Variants in ADAM22 observed in about 807,000 individuals in gnomAD.
ADAM22 encodes ADAM metallopeptidase domain 22.
ADAM22 carries 65 observed loss-of-function variants against 144.6 expected under a neutral mutation model. The observed-to-expected ratio is 0.45, with a 90% CI of 0.37 to 0.55. The LOEUF is 0.55. Among genes scored for constraint, ADAM22 ranks in the 20% least tolerant of loss-of-function variants. ADAM22 has a pLI of 0.00. For missense variants in ADAM22, 974 were observed against 1,184.9 expected (o/e 0.82, Z 2.61); for synonymous variants, 391 against 412.6 (o/e 0.95, Z 0.63).
chr7:87,940,876 G>A (rs537301889), intron 2 of ADAM22, among the ~76,000 whole-genome samples: 1 of 152,240 alleles, frequency 6.6e-6, no homozygotes, highest in Admixed American at 6.5e-5. Flanking sequence ...CTTTTACCTG[G>A]ACTTCTGTGT....
intron 4 of ADAM22, among the ~76,000 whole-genome samples, chr7:88,085,716 G>C (rs1344803311): frequency 1.3e-5 from 2 of 152,148 alleles, no homozygotes; most frequent in Non-Finnish European, 2.9e-5. Context: ...AAGAAATAAA[G>C]CTCGGCCAGC....
intron 3 of ADAM22, among the ~76,000 whole-genome samples, chr7:88,071,300 T>A (rs974394820): frequency 1.3e-5 from 2 of 151,686 alleles, no homozygotes; most frequent in Non-Finnish European, 2.9e-5. Flanking sequence ...AGATATGAGA[T>A]GGTGAATAGG....
intron 22 of ADAM22, among the ~76,000 whole-genome samples, chr7:88,158,414 C>T (rs948962106): frequency 2.0e-5 from 3 of 152,108 alleles, no homozygotes; most frequent in African/African-American, 7.2e-5. Flanking sequence ...TGATAGACCT[C>T]TACAGAACTC....
At chr7:87,988,784 A>T (rs1391224843) in intron 3 of ADAM22, among the ~76,000 whole-genome samples, 1 of 152,164 alleles carries the variant, frequency 6.6e-6, no homozygotes, top group Admixed American at 6.5e-5. Flanking sequence ...AGAAGTAGCG[A>T]GTAGGCCTCT....
chr7:88,142,634 C>G (rs147686193), intron 14 of ADAM22, among the ~76,000 whole-genome samples: 2,400 of 152,014 alleles, frequency 0.016, 30 homozygotes, highest in Non-Finnish European at 0.027. Flanking sequence ...GTCAGGAGAT[C>G]GAGACCATCC....
intron 26 of ADAM22, among the ~76,000 whole-genome samples, chr7:88,171,794 C>A (rs1844387197): frequency 6.6e-6 from 1 of 151,630 alleles, no homozygotes; most frequent in Admixed American, 6.6e-5. Flanking sequence ...AACGATACTA[C>A]AATTAGTGGA....
intron 7 of ADAM22, among the ~76,000 whole-genome samples, chr7:88,123,707 C>CT (rs985382394): frequency 2.6e-4 from 39 of 149,478 alleles, no homozygotes; most frequent in African/African-American, 7.3e-4. Context: ...ATAATTTAAA[C>CT]TTTTTTTTTT....
chr7:88,037,797 G>A (rs1801880471), intron 3 of ADAM22, among the ~76,000 whole-genome samples: 1 of 151,764 alleles, frequency 6.6e-6, no homozygotes, highest in Non-Finnish European at 1.5e-5. Flanking sequence ...TTCTCTCCTG[G>A]GAGTTTTTCA....
intron 17 of ADAM22, among the ~76,000 whole-genome samples, chr7:88,147,504 A>C (rs1043830844): frequency 6.6e-6 from 1 of 152,226 alleles, no homozygotes; most frequent in African/African-American, 2.4e-5. Context: ...TACAGAAACA[A>C]ATGGGCATAG....
chr7:88,055,375 A>C (rs1807927245), intron 3 of ADAM22, among the ~76,000 whole-genome samples: 1 of 152,030 alleles, frequency 6.6e-6, no homozygotes, highest in Admixed American at 6.6e-5. Flanking sequence ...CAAAAAAAAA[A>C]ATCGCTTTTT....
Position 88,072,991 on chromosome 7 carries a change from C to A in ADAM22, c.324-2635C>A, listed in dbSNP as rs1585437995. On this transcript the variant is annotated intron_variant, in intron 3 of 31. Transcript: ENST00000413139. Reference sequence around the variant, plus strand: ...GGAAATTTGTGAAATATATAATATACTCATGATGAAGACAAAAAAAGAGAC... The same window carrying A: ...GGAAATTTGTGAAATATATAATATAATCATGATGAAGACAAAAAAAGAGAC... Among the ~76,000 whole-genome samples, 5 of 152,310 alleles carry A rather than the reference C, an allele frequency of 3.3e-5. 1 individual carries two copies. The highest frequency in any genetic ancestry group is 3.3e-4 in the Admixed American group (5 of 15,300).
intron 2 of ADAM22, among the ~76,000 whole-genome samples, chr7:87,969,132 C>T (rs1390200035): frequency 6.6e-6 from 1 of 152,192 alleles, no homozygotes; most frequent in African/African-American, 2.4e-5. Context: ...AAATCCTAAC[C>T]ATATCACCAA....
At chr7:88,085,381 T>A (rs1818165722) in intron 4 of ADAM22, among the ~76,000 whole-genome samples, 1 of 152,176 alleles carries the variant, frequency 6.6e-6, no homozygotes, top group African/African-American at 2.4e-5. Flanking sequence ...TACTCAGGTG[T>A]CTTTGAACTT....
chr7:87,953,517 C>T (rs867860830), intron 2 of ADAM22, among the ~76,000 whole-genome samples: 2,464 of 151,590 alleles, frequency 0.016, 12 homozygotes, highest in Non-Finnish European at 0.025. Context: ...CAGTTTGTTA[C>T]AATTTCTGTT....
chr7:88,149,175 T>G (rs778748404), intron 18 of ADAM22, 118 bp downstream of exon 18: 6 of 703,616 alleles, frequency 8.5e-6, no homozygotes, highest in Non-Finnish European at 1.4e-5. Context: ...TCACATCATT[T>G]CTCCATTTTT....
chr7:88,192,962 T>C (rs1563440683), intron 30 of ADAM22, among the ~76,000 whole-genome samples, 154 bp from the exon 31 acceptor site: 1 of 152,238 alleles, frequency 6.6e-6, no homozygotes. Context: ...ATTTCACTGT[T>C]GAGAATGACA....
chr7:88,184,756 G>A (rs894829655), intron 29 of ADAM22, among the ~76,000 whole-genome samples: 3 of 152,078 alleles, frequency 2.0e-5, no homozygotes, highest in African/African-American at 7.2e-5. Context: ...TCCCCAGAAA[G>A]AACAAAAAAT....
intron 3 of ADAM22, among the ~76,000 whole-genome samples, chr7:87,983,427 A>G (rs917989951): frequency 6.6e-6 from 1 of 152,056 alleles, no homozygotes; most frequent in African/African-American, 2.4e-5. Context: ...TTTTGTTGCT[A>G]CTGTGGGTGT....
intron 4 of ADAM22, among the ~76,000 whole-genome samples, chr7:88,099,285 G>T (rs1046813847): frequency 2.6e-5 from 4 of 152,134 alleles, no homozygotes; most frequent in East Asian, 1.9e-4. Flanking sequence ...GAAACTCCTG[G>T]GTCAGAGACG....
Sources: gnomAD v4.1 joint callset for allele counts (sites outside exome capture counted in the v4.1 genomes callset) on GRCh38, gnomAD v4.1.1 for gene constraint, MANE v1.5 for transcripts, NCBI Gene and HGNC (gene_info 2026-07-23, HGNC 2026-07-21) for gene names.